Variants in DGKH observed in about 807,000 individuals in gnomAD.
DGKH encodes the protein DAG kinase eta.
A neutral mutation model predicts 159.3 loss-of-function variants in DGKH; 90 were observed. The observed-to-expected ratio is 0.57, with a 90% CI of 0.48 to 0.67. The LOEUF (loss-of-function observed/expected upper bound fraction) is 0.67, where lower values mean the gene tolerates loss of function less well. Among genes scored for constraint, DGKH ranks in the 30% least tolerant of loss-of-function variants. The pLI, the probability that DGKH is intolerant of heterozygous loss-of-function variation, is 0.00. For synonymous variants in DGKH, 536 were observed against 553.8 expected, an observed-to-expected ratio of 0.97 and a Z score of 0.45; for missense variants, 1,181 against 1,506.1, an observed-to-expected ratio of 0.78 and a Z score of 3.57.
intron 1 of DGKH, among the ~76,000 whole-genome samples, chr13:42,102,076 A>G (rs1954662348): frequency 6.6e-6 from 1 of 152,228 alleles, no homozygotes; most frequent in South Asian, 2.1e-4. Flanking sequence ...ATTGAAGTCC[A>G]AGAGATCAAG....
intron 3 of DGKH, among the ~76,000 whole-genome samples, chr13:42,129,919 A>G (rs1199408557): frequency 6.6e-6 from 1 of 151,818 alleles, no homozygotes; most frequent in African/African-American, 2.4e-5. Context: ...AATTAATTCC[A>G]TTGTTCTTGA....
In DGKH at chr13:42,121,066, T is replaced by TACACACACACACACACACAACATGCGCAC. The variant is rs1555262943; in HGVS notation, c.193-6378_193-6377insACATGCGCACACACACACACACACACACA. ...TCTATGAAAGTAATAATATATATTA[T>TACACACACACACACACACAACATGCGCAC]ACACACACACACACACACACACACA... On this transcript the variant is annotated intron_variant, in intron 1 of 29. Transcript: ENST00000337343. Among the ~76,000 whole-genome samples the TACACACACACACACACACAACATGCGCAC allele has an allele frequency of 5.1e-3, 742 of 144,824 alleles. 1 individual carries two copies. Among genetic ancestry groups the TACACACACACACACACACAACATGCGCAC allele is most frequent in the Non-Finnish European group, 7.9e-3 (516 of 65,240 alleles).
chr13:42,220,988 A>T, intron 28 of DGKH, among the ~76,000 whole-genome samples: 1 of 152,290 alleles, frequency 6.6e-6, no homozygotes, highest in East Asian at 1.9e-4. Flanking sequence ...TTGTATGCAT[A>T]TTGTGTAGGT....
chr13:42,222,996 T>C (rs1453601625), intron 29 of DGKH, among the ~76,000 whole-genome samples: 2 of 152,210 alleles, frequency 1.3e-5, no homozygotes, highest in Non-Finnish European at 2.9e-5. Context: ...CATGGGACTT[T>C]TTTGTTCTGT....
rs778146203 is a variant in DGKH at position 42,186,009 on chromosome 13, T to TGG, written c.1539-1039_1539-1038dup. 8.2e-5 allele frequency among the ~76,000 whole-genome samples: 4 copies of TGG among 48,768 alleles called. No homozygotes were observed. The East Asian group carries it at 3.0e-3, about 36-fold the overall frequency. The allele number at this position is 48,768 out of a possible 152,430, so 32.0% of individuals were successfully genotyped here. A position where few individuals can be genotyped will look rare whatever the true frequency, so the allele number is the denominator to read the frequency against. ...GTTGGGGGAGGAGTGGTGGTGGTGG[T>TGG]GGTGTGTGTGTGTGTGTGTGTGTGT... is the stretch of plus-strand genomic sequence containing the variant. On this transcript the variant is annotated intron_variant, in intron 13 of 29. Transcript: ENST00000337343.
At chr13:42,200,515 C>A (rs1208566244) in intron 20 of DGKH, among the ~76,000 whole-genome samples, 2 of 152,134 alleles carry the variant, frequency 1.3e-5, no homozygotes, top group Non-Finnish European at 2.9e-5. Flanking sequence ...TTTTATTTTA[C>A]CTTTGATCCA....
chr13:42,059,961 A>G (rs1176500330), intron 1 of DGKH, among the ~76,000 whole-genome samples: 1 of 149,408 alleles, frequency 6.7e-6, no homozygotes, highest in East Asian at 2.0e-4. Context: ...GCTGGAGTAC[A>G]GTGGCACAAT....
intron 1 of DGKH, among the ~76,000 whole-genome samples, chr13:42,053,474 GTATAACTA>G (rs1178052013): frequency 7.0e-6 from 1 of 143,506 alleles, no homozygotes; most frequent in Admixed American, 7.0e-5. Flanking sequence ...ATAACTATAT[GTATAACTA>G]TATAACTATA....
At chr13:42,108,528 T>C (rs552563084) in intron 1 of DGKH, among the ~76,000 whole-genome samples, 3 of 152,304 alleles carry the variant, frequency 2.0e-5, no homozygotes, top group African/African-American at 7.2e-5. Context: ...AATTAGAATC[T>C]AGGTTTTCTG....
intron 1 of DGKH, among the ~76,000 whole-genome samples, chr13:42,050,092 C>T (rs1356149235): frequency 2.0e-5 from 3 of 152,130 alleles, no homozygotes; most frequent in Admixed American, 1.3e-4. Context: ...CTGTGGAGGC[C>T]GGTAACGGTG....
Position 42,166,497 on chromosome 13 carries a change from G to A in DGKH, c.959-18G>A. On this transcript the variant is annotated intron_variant, in intron 8 of 29. Coordinates refer to ENST00000337343, the MANE Select transcript of DGKH (RefSeq NM_178009.5). ...AGAAAGCTGTATGTATTGATCTTGT[G>A]TTGTGTTTTTTTCACAGGTTTCTGT... is the stretch of plus-strand genomic sequence containing the variant. 3.3e-6 allele frequency: 5 copies of A among 1,500,532 alleles called. No individual in the cohort carries two copies. The highest frequency in any genetic ancestry group is 3.6e-6 in the Non-Finnish European group (4 of 1,121,466). 93.0% of individuals were successfully genotyped at this position (1,500,532 alleles called of 1,614,324 possible).
At chr13:42,084,794 A>G (rs1264444672) in intron 1 of DGKH, among the ~76,000 whole-genome samples, 1 of 152,046 alleles carries the variant, frequency 6.6e-6, no homozygotes, top group Non-Finnish European at 1.5e-5. Context: ...GCAAAATGAC[A>G]AGGACTTTAA....
In DGKH at chr13:42,195,373, A is replaced by G. The variant is rs938866649; in HGVS notation, c.2167+357A>G. Among the ~76,000 whole-genome samples the G allele has an allele frequency of 2.6e-5, 4 of 151,948 alleles. No homozygotes were observed. The East Asian group carries it at 7.7e-4, about 29-fold the overall frequency. ...AAAAATTAGCTAAGTGTAGTGGTACACCCCTGTAATCTTAGCTACTCAGGA... is the reference window on the plus strand; with the variant it reads ...AAAAATTAGCTAAGTGTAGTGGTACGCCCCTGTAATCTTAGCTACTCAGGA... On this transcript the variant is annotated intron_variant, in intron 17 of 29. Transcript: ENST00000337343.
chr13:42,207,285 G>A (rs893793187), intron 21 of DGKH, among the ~76,000 whole-genome samples: 5 of 150,478 alleles, frequency 3.3e-5, no homozygotes, highest in Admixed American at 2.7e-4. Context: ...TGCCTCTCAG[G>A]TTCAAGCAGT....
At chr13:42,078,377 A>G (rs552333686) in intron 1 of DGKH, among the ~76,000 whole-genome samples, 12 of 152,300 alleles carry the variant, frequency 7.9e-5, no homozygotes, top group African/African-American at 2.6e-4. Context: ...TCTCATACCT[A>G]CAGGGCTGGT....
intron 29 of DGKH, among the ~76,000 whole-genome samples, chr13:42,249,160 G>A (rs1330810292): frequency 6.6e-6 from 1 of 152,156 alleles, no homozygotes; most frequent in East Asian, 1.9e-4. Context: ...GATGGCTTGA[G>A]CCCAGGAGTT....
chr13:42,085,671 CAG>C (rs1954288483), intron 1 of DGKH, among the ~76,000 whole-genome samples: 1 of 152,052 alleles, frequency 6.6e-6, no homozygotes, highest in Admixed American at 6.6e-5. Context: ...AAAAACGAGC[CAG>C]AGTTTGATTC....
At chr13:42,248,868 G>A (rs1333071792) in intron 29 of DGKH, among the ~76,000 whole-genome samples, 2 of 151,890 alleles carry the variant, frequency 1.3e-5, no homozygotes, top group African/African-American at 2.4e-5. Flanking sequence ...CTAGGTTTGT[G>A]TCAGTACAAT....
At chr13:42,068,953 C>T (rs906434586) in intron 1 of DGKH, 34 of 1,447,904 alleles carry the variant, frequency 2.3e-5, no homozygotes, top group Non-Finnish European at 2.9e-5. Context: ...GTTCAGAATG[C>T]CGCTGTATGT....
Sources: gnomAD v4.1 joint callset for allele counts (sites outside exome capture counted in the v4.1 genomes callset) on GRCh38, gnomAD v4.1.1 for gene constraint, MANE v1.5 for transcripts, NCBI Gene and HGNC (gene_info 2026-07-23, HGNC 2026-07-21) for gene names.